NT5DC3: variants seen among roughly 807,000 people sequenced by gnomAD.
NT5DC3 encodes the protein 5'-nucleotidase domain containing 3.
Under a neutral mutation model 67.8 loss-of-function variants are expected in NT5DC3, and 42 were observed. That is an observed-to-expected ratio of 0.62 (90% confidence interval 0.48 to 0.80). The LOEUF (loss-of-function observed/expected upper bound fraction) is 0.80. NT5DC3 is among the 30% of genes least tolerant of loss of function. The pLI is 0.00. For synonymous variants in NT5DC3, 237 were observed against 255.6 expected (o/e 0.93, Z 0.69); for missense variants, 570 against 696.4 (o/e 0.82, Z 2.04).
chr12:103,820,256 AC>A (rs1887436841), intron 1 of NT5DC3, among the ~76,000 whole-genome samples: 1 of 152,182 alleles, frequency 6.6e-6, no homozygotes, highest in Non-Finnish European at 1.5e-5. Context: ...TTGGGTGCAT[AC>A]CTAGAAGGGG....
chr12:103,757,782 T>C, the NT5DC3 span: 40,197 of 227,502 alleles, frequency 0.18, 4,407 homozygotes, highest in East Asian at 0.36. Flanking sequence ...AAGCTAGGCC[T>C]GGGGTCAGAG....
chr12:103,833,455 T>C (rs1888014809), intron 1 of NT5DC3, among the ~76,000 whole-genome samples: 1 of 152,166 alleles, frequency 6.6e-6, no homozygotes, highest in Non-Finnish European at 1.5e-5. Flanking sequence ...TTACATATTA[T>C]ATAGAATTAT....
chr12:103,770,874 G>C (rs935870622), downstream of NT5DC3: 1 of 152,246 alleles, frequency 6.6e-6, no homozygotes, highest in Non-Finnish European at 1.5e-5. Flanking sequence ...AGGTGATTAA[G>C]GGGGAGGGGC....
At chr12:103,780,482 G>T in intron 12 of NT5DC3, 118 bp from the exon 13 acceptor site, 1 of 827,264 alleles carries the variant, frequency 1.2e-6, no homozygotes, top group Non-Finnish European at 2.0e-6. Context: ...ACATCTCAGA[G>T]GCTGGCACCT....
chr12:103,805,712 G>A (rs1886768168), intron 4 of NT5DC3, among the ~76,000 whole-genome samples: 1 of 151,984 alleles, frequency 6.6e-6, no homozygotes, highest in South Asian at 2.1e-4. Context: ...CAGGCATGGT[G>A]GCATGTGCCT....
the NT5DC3 span, chr12:103,759,192 T>C: frequency 6.2e-7 from 1 of 1,614,182 alleles, no homozygotes; most frequent in Non-Finnish European, 8.5e-7. Flanking sequence ...TTTTCTACAA[T>C]GACCTTGTCA....
chr12:103,748,883 TGTG>T, the NT5DC3 span: 1 of 1,434,604 alleles, frequency 7.0e-7, no homozygotes, highest in African/African-American at 1.4e-5. Context: ...CCACTAGTGC[TGTG>T]GTGCCCCATA....
At chr12:103,764,729 A>C in the NT5DC3 span, among the ~76,000 whole-genome samples, 1 of 152,240 alleles carries the variant, frequency 6.6e-6, no homozygotes, top group Non-Finnish European at 1.5e-5. Context: ...TAAATGCAAT[A>C]GACTGAAAAA....
chr12:103,825,617 C>A (rs1404426766), intron 1 of NT5DC3, among the ~76,000 whole-genome samples: 1 of 152,108 alleles, frequency 6.6e-6, no homozygotes, highest in Non-Finnish European at 1.5e-5. Flanking sequence ...CAAATCAAAA[C>A]TCTGTCTCTA....
intron 1 of NT5DC3, among the ~76,000 whole-genome samples, chr12:103,832,928 A>G (rs1887994019): frequency 6.6e-6 from 1 of 152,186 alleles, no homozygotes; most frequent in South Asian, 2.1e-4. Flanking sequence ...AATACTGCAA[A>G]TGTGTCTTTT....
chr12:103,815,178 T>C, intron 1 of NT5DC3, 57 bp from the exon 2 acceptor site: 1 of 1,141,232 alleles, frequency 8.8e-7, no homozygotes, highest in Non-Finnish European at 1.2e-6. Flanking sequence ...GTTAGTATGA[T>C]TCCTAAAGAA....
chr12:103,756,999 ATATAT>A, the NT5DC3 span, among the ~76,000 whole-genome samples: 216 of 47,256 alleles, frequency 4.6e-3, 2 homozygotes, highest in African/African-American at 0.011. Context: ...GAGGGAAAAT[ATATAT>A]ATATATATAT....
chr12:103,814,115 T>C lies in NT5DC3; in HGVS notation c.393+822A>G, dbSNP rs1016202044. On this transcript the variant is annotated intron_variant, in intron 2 of 13. Coordinates refer to ENST00000392876, the MANE Select transcript of NT5DC3 (RefSeq NM_001031701.3). Reference sequence around the variant, plus strand: ...CGTGACCGACGACCCCACTGGGCTGTTGGTTCTCCACGGGCAATGCCTGTC... The same window carrying C: ...CGTGACCGACGACCCCACTGGGCTGCTGGTTCTCCACGGGCAATGCCTGTC... Among the ~76,000 whole-genome samples, 14 of 152,344 alleles carry C rather than the reference T, an allele frequency of 9.2e-5. 1 individual carries two copies. The highest frequency in any genetic ancestry group is 2.0e-4 in the Admixed American group (3 of 15,310).
At chr12:103,812,596 CA>C (rs917950055) in intron 2 of NT5DC3, among the ~76,000 whole-genome samples, 1 of 151,432 alleles carries the variant, frequency 6.6e-6, no homozygotes, top group East Asian at 1.9e-4. Flanking sequence ...TGCATCTGAA[CA>C]AAAAAAACCA....
chr12:103,793,312 C>A, intron 8 of NT5DC3, 47 bp from the exon 9 acceptor site: 1 of 1,564,266 alleles, frequency 6.4e-7, no homozygotes, highest in Non-Finnish European at 8.8e-7. Flanking sequence ...AAGAGATTAA[C>A]TGTGTCTGTA....
intron 2 of NT5DC3, among the ~76,000 whole-genome samples, chr12:103,807,441 C>T (rs1037861853): frequency 1.7e-4 from 26 of 152,192 alleles, no homozygotes; most frequent in African/African-American, 6.0e-4. Flanking sequence ...GCCCCATTAC[C>T]AGGTTTCACG....
chr12:103,758,296 T>G, the NT5DC3 span: 1 of 1,613,008 alleles, frequency 6.2e-7, no homozygotes. Context: ...TGAGGTGAGT[T>G]GAGTCCCTGG....
intron 4 of NT5DC3, chr12:103,802,116 T>C (rs1471982677): frequency 6.6e-6 from 1 of 152,568 alleles, no homozygotes; most frequent in Non-Finnish European, 1.5e-5. Context: ...AACAGTGAAC[T>C]TCCCTACAGC....
chr12:103,836,585 TC>T (rs1253059704), intron 1 of NT5DC3, among the ~76,000 whole-genome samples: 1 of 152,228 alleles, frequency 6.6e-6, no homozygotes, highest in African/African-American at 2.4e-5. Flanking sequence ...CTCAGACTTT[TC>T]CCCGTTTTTG....
Sources: gnomAD v4.1 joint callset for allele counts (sites outside exome capture counted in the v4.1 genomes callset) on GRCh38, gnomAD v4.1.1 for gene constraint, MANE v1.5 for transcripts, NCBI Gene and HGNC (gene_info 2026-07-23, HGNC 2026-07-21) for gene names.